COL8A1: variants seen among roughly 807,000 people sequenced by gnomAD.
COL8A1 encodes collagen type VIII alpha 1 chain.
In COL8A1, 21 loss-of-function variants were observed where a neutral mutation model predicts 42.7. The observed-to-expected ratio is 0.49, with a 90% CI of 0.35 to 0.71. COL8A1 has a LOEUF of 0.71. Ranked by LOEUF, COL8A1 falls within the 30% of genes least tolerant of loss-of-function variation. COL8A1 has a pLI of 0.01. For missense variants in COL8A1, 788 were observed against 962.4 expected, an observed-to-expected ratio of 0.82 and a Z score of 2.40; for synonymous variants, 367 against 369.1, an observed-to-expected ratio of 0.99 and a Z score of 0.06.
At chr3:99,730,230 C>T (rs1940461469) in intron 1 of COL8A1, among the ~76,000 whole-genome samples, 1 of 152,086 alleles carries the variant, frequency 6.6e-6, no homozygotes, top group African/African-American at 2.4e-5. Context: ...AGGAAGGAGA[C>T]TGGCTCAAAG....
intron 1 of COL8A1, among the ~76,000 whole-genome samples, chr3:99,733,515 A>C (rs1212420094): frequency 2.0e-5 from 3 of 151,350 alleles, no homozygotes; most frequent in Non-Finnish European, 4.4e-5. Flanking sequence ...TCCATGGTGT[A>C]TATGTGCCAC....
intron 2 of COL8A1, among the ~76,000 whole-genome samples, chr3:99,778,160 TC>T (rs1941729019): frequency 1.3e-5 from 2 of 152,154 alleles, no homozygotes; most frequent in Non-Finnish European, 2.9e-5. Flanking sequence ...TCAACACCTA[TC>T]CCATTTCATG....
chr3:99,689,555 T>C (rs1939157397), intron 1 of COL8A1, among the ~76,000 whole-genome samples: 1 of 152,206 alleles, frequency 6.6e-6, no homozygotes, highest in African/African-American at 2.4e-5. Context: ...GTACACTTCT[T>C]TTCATAATTT....
intron 1 of COL8A1, among the ~76,000 whole-genome samples, chr3:99,693,298 T>C (rs1482186048): frequency 6.6e-6 from 1 of 152,266 alleles, no homozygotes; most frequent in African/African-American, 2.4e-5. Context: ...TATACCATAT[T>C]TTTATCATTA....
chr3:99,723,974 G>C (rs1272595738), intron 1 of COL8A1, among the ~76,000 whole-genome samples: 16 of 152,108 alleles, frequency 1.1e-4, no homozygotes, highest in Admixed American at 3.9e-4. Context: ...ACAGCTGTGT[G>C]TCTGTTTACC....
intron 2 of COL8A1, among the ~76,000 whole-genome samples, chr3:99,780,510 A>G (rs1254433232): frequency 6.6e-6 from 1 of 152,202 alleles, no homozygotes; most frequent in Non-Finnish European, 1.5e-5. Flanking sequence ...TTACAAGGAT[A>G]TCATGATAGA....
intron 2 of COL8A1, among the ~76,000 whole-genome samples, chr3:99,752,641 T>A (rs1215078922): frequency 6.6e-6 from 1 of 151,696 alleles, no homozygotes; most frequent in Non-Finnish European, 1.5e-5. Flanking sequence ...ATCCCTCTCC[T>A]ATCAATTGAG....
intron 1 of COL8A1, among the ~76,000 whole-genome samples, chr3:99,700,704 A>C (rs1395521675): frequency 1.3e-5 from 2 of 152,080 alleles, no homozygotes; most frequent in Non-Finnish European, 2.9e-5. Context: ...CTGTTTTTGA[A>C]ATTTCTTAAA....
intron 1 of COL8A1, among the ~76,000 whole-genome samples, chr3:99,664,038 T>A (rs1289721471): frequency 6.6e-6 from 1 of 152,200 alleles, no homozygotes; most frequent in Non-Finnish European, 1.5e-5. Context: ...AAATACTCAG[T>A]GTGCATAACA....
At chr3:99,708,203 C>T (rs1939737234) in intron 1 of COL8A1, among the ~76,000 whole-genome samples, 1 of 152,154 alleles carries the variant, frequency 6.6e-6, no homozygotes, top group Admixed American at 6.5e-5. Context: ...CCTACATCAT[C>T]CTCAACCACT....
intron 2 of COL8A1, among the ~76,000 whole-genome samples, chr3:99,758,759 T>C (rs189623794): frequency 1.1e-4 from 16 of 152,300 alleles, no homozygotes; most frequent in African/African-American, 2.6e-4. Context: ...GAAGTCTGAT[T>C]TGAGCACCTT....
intron 1 of COL8A1, among the ~76,000 whole-genome samples, chr3:99,734,837 T>C (rs1425460681): frequency 6.6e-6 from 1 of 152,142 alleles, no homozygotes; most frequent in Admixed American, 6.5e-5. Flanking sequence ...GAGAAGTGGT[T>C]TGCAGTTCTC....
chr3:99,707,765 T>C (rs1382200699), intron 1 of COL8A1, among the ~76,000 whole-genome samples: 1 of 152,200 alleles, frequency 6.6e-6, no homozygotes. Flanking sequence ...AAAAACCTGC[T>C]AGTCTCTGTC....
chr3:99,673,169 T>C (rs1301665998), intron 1 of COL8A1, among the ~76,000 whole-genome samples: 1 of 151,576 alleles, frequency 6.6e-6, no homozygotes, highest in African/African-American at 2.4e-5. Context: ...ACTCTCATTT[T>C]TGTGGATTTT....
intron 1 of COL8A1, among the ~76,000 whole-genome samples, chr3:99,736,068 G>C (rs546834970): frequency 2.0e-5 from 3 of 151,892 alleles, no homozygotes; most frequent in Non-Finnish European, 4.4e-5. Flanking sequence ...CTTGCTAGCG[G>C]TCTATCAATT....
intron 2 of COL8A1, among the ~76,000 whole-genome samples, chr3:99,777,668 C>A (rs1941719893): frequency 6.6e-6 from 1 of 152,164 alleles, no homozygotes; most frequent in Non-Finnish European, 1.5e-5. Context: ...CAATATTTCC[C>A]AGACGTTTTT....
Position 99,763,100 on chromosome 3 carries a change from T to C in COL8A1, c.-4+18079T>C, listed in dbSNP as rs76452695. On this transcript the variant is annotated intron_variant, in intron 2 of 3. Coordinates refer to ENST00000652472, the MANE Select transcript of COL8A1 (RefSeq NM_020351.4). ...TGCACCTTGGTATCACTAAGGATTA[T>C]GTAACTTGCTCTTTGAATTGCAAGT... Among the ~76,000 whole-genome samples, 894 of 152,348 alleles carry C rather than the reference T, an allele frequency of 5.9e-3. 4 individuals carry two copies. The highest frequency in any genetic ancestry group is 0.021 in the African/African-American group (863 of 41,588).
At chr3:99,737,562 T>C (rs1417838754) in intron 1 of COL8A1, among the ~76,000 whole-genome samples, 1 of 152,160 alleles carries the variant, frequency 6.6e-6, no homozygotes, top group East Asian at 1.9e-4. Flanking sequence ...GCCCCCACTC[T>C]CTTCTGGCTT....
intron 2 of COL8A1, among the ~76,000 whole-genome samples, chr3:99,760,558 G>A (rs1157979343): frequency 1.3e-5 from 2 of 152,096 alleles, no homozygotes; most frequent in African/African-American, 2.4e-5. Flanking sequence ...CAATCTAGTC[G>A]AGAATGAACA....
Sources: allele counts gnomAD v4.1 joint callset (sites outside exome capture counted in the v4.1 genomes callset), GRCh38; gene constraint gnomAD v4.1.1; transcripts MANE v1.5; gene names NCBI Gene and HGNC (gene_info 2026-07-23, HGNC 2026-07-21).